Variants in ST18 observed in about 807,000 individuals in gnomAD.
ST18 encodes suppression of tumorigenicity 18 protein.
ST18 carries 50 observed loss-of-function variants against 110.0 expected under a neutral mutation model. The observed-to-expected ratio is 0.45, with a 90% CI of 0.36 to 0.58. ST18 has a LOEUF of 0.58. Ranked by LOEUF, ST18 falls within the 20% of genes least tolerant of loss-of-function variation. The pLI, the probability that ST18 is intolerant of heterozygous loss-of-function variation, is 0.00. For synonymous variants in ST18, 461 were observed against 452.4 expected, an observed-to-expected ratio of 1.02 and a Z score of -0.24; for missense variants, 1,306 against 1,280.1, an observed-to-expected ratio of 1.02 and a Z score of -0.31.
chr8:52,146,178 T>C (rs558382639), intron 16 of ST18, among the ~76,000 whole-genome samples: 13 of 152,048 alleles, frequency 8.5e-5, no homozygotes, highest in Non-Finnish European at 1.9e-4. Flanking sequence ...AACAATAGAT[T>C]GTCTGGAACG....
At chr8:52,243,677 T>C (rs1197985821) in intron 2 of ST18, among the ~76,000 whole-genome samples, 1 of 152,220 alleles carries the variant, frequency 6.6e-6, no homozygotes, top group Non-Finnish European at 1.5e-5. Context: ...CTTGACACCA[T>C]GCCTGGCACA....
At chr8:52,270,005 T>A (rs1265577255) in intron 2 of ST18, among the ~76,000 whole-genome samples, 1 of 150,118 alleles carries the variant, frequency 6.7e-6, no homozygotes, top group Admixed American at 6.6e-5. Flanking sequence ...AACCACATTT[T>A]TTCCCCCGTA....
intron 17 of ST18, among the ~76,000 whole-genome samples, chr8:52,141,935 C>A (rs1338743920): frequency 2.6e-5 from 4 of 152,138 alleles, no homozygotes; most frequent in Admixed American, 2.6e-4. Flanking sequence ...ATCAGAGGCA[C>A]CGCGCTCTTT....
intron 2 of ST18, among the ~76,000 whole-genome samples, chr8:52,315,789 T>G (rs1300507592): frequency 3.3e-5 from 5 of 152,220 alleles, no homozygotes; most frequent in Admixed American, 2.6e-4. Flanking sequence ...GAAACTTCAC[T>G]TAACCATCTT....
intron 2 of ST18, among the ~76,000 whole-genome samples, chr8:52,297,169 G>T (rs1589705235): frequency 6.6e-6 from 1 of 152,210 alleles, no homozygotes; most frequent in Non-Finnish European, 1.5e-5. Flanking sequence ...ACAGTGCAGT[G>T]CAGCGCAGGC....
intron 2 of ST18, among the ~76,000 whole-genome samples, chr8:52,246,081 C>A (rs1354132108): frequency 2.6e-5 from 4 of 152,020 alleles, no homozygotes; most frequent in Non-Finnish European, 5.9e-5. Context: ...CATTTGACAA[C>A]ACTATATTCA....
At chr8:52,281,023 AC>A (rs1006216557) in intron 2 of ST18, among the ~76,000 whole-genome samples, 1 of 152,162 alleles carries the variant, frequency 6.6e-6, no homozygotes, top group Non-Finnish European at 1.5e-5. Context: ...GAAATCAATA[AC>A]AAAGAGTAAG....
chr8:52,295,951 A>C (rs185580145), intron 2 of ST18, among the ~76,000 whole-genome samples: 277 of 152,036 alleles, frequency 1.8e-3, no homozygotes, highest in African/African-American at 6.4e-3. Context: ...GAGCAGCTGC[A>C]TGGGATGAGT....
At chr8:52,272,394 G>A (rs557449926) in intron 2 of ST18, among the ~76,000 whole-genome samples, 122 of 144,004 alleles carry the variant, frequency 8.5e-4, no homozygotes, top group South Asian at 1.5e-3. Context: ...CTAAGAACTT[G>A]AATAGACATT....
intron 22 of ST18, among the ~76,000 whole-genome samples, chr8:52,129,590 C>G (rs2048416296): frequency 6.6e-6 from 1 of 151,704 alleles, no homozygotes. Flanking sequence ...CCATTAAATT[C>G]TACACATAGA....
intron 2 of ST18, among the ~76,000 whole-genome samples, chr8:52,365,498 G>T (rs1049337345): frequency 7.2e-5 from 11 of 151,860 alleles, no homozygotes; most frequent in African/African-American, 2.4e-4. Context: ...CTGAAAAAAA[G>T]ACTTTAAAAA....
chr8:52,136,991 A>G (rs2052683121), intron 18 of ST18, among the ~76,000 whole-genome samples: 1 of 152,228 alleles, frequency 6.6e-6, no homozygotes, highest in African/African-American at 2.4e-5. Context: ...CCAAGAGAAG[A>G]CAAATCCCAT....
intron 15 of ST18, among the ~76,000 whole-genome samples, chr8:52,154,241 C>T (rs990138977): frequency 6.6e-6 from 1 of 152,220 alleles, no homozygotes; most frequent in Non-Finnish European, 1.5e-5. Context: ...GCCCAGAGGG[C>T]CGCCAGACTT....
At chr8:52,379,769 T>C (rs1007948663) in intron 2 of ST18, among the ~76,000 whole-genome samples, 5 of 152,184 alleles carry the variant, frequency 3.3e-5, no homozygotes, top group Admixed American at 1.3e-4. Flanking sequence ...CATGGCATCA[T>C]TCACAGTTGA....
chr8:52,399,519 G>A (rs1842228524), intron 2 of ST18, among the ~76,000 whole-genome samples: 2 of 150,422 alleles, frequency 1.3e-5, no homozygotes, highest in Non-Finnish European at 3.0e-5. Context: ...GAGGCATATT[G>A]TTAGGCTATT....
chr8:52,138,110 A>G (rs2053252621), intron 17 of ST18, among the ~76,000 whole-genome samples: 1 of 151,206 alleles, frequency 6.6e-6, no homozygotes, highest in Non-Finnish European at 1.5e-5. Flanking sequence ...AAAAAAAAAA[A>G]AGAAAAGAAA....
At chr8:52,401,959 G>A (rs536834468) in intron 2 of ST18, among the ~76,000 whole-genome samples, 3 of 152,142 alleles carry the variant, frequency 2.0e-5, no homozygotes, top group Non-Finnish European at 4.4e-5. Context: ...ACTTTCGCCT[G>A]TAGATGAGTC....
intron 2 of ST18, among the ~76,000 whole-genome samples, chr8:52,321,593 A>G (rs1803935135): frequency 6.6e-6 from 1 of 152,176 alleles, no homozygotes; most frequent in Non-Finnish European, 1.5e-5. Context: ...GTGAAAGGAG[A>G]ACAGCCCGTT....
At chr8:52,251,384 T>C (rs1457398541) in intron 2 of ST18, among the ~76,000 whole-genome samples, 1 of 152,106 alleles carries the variant, frequency 6.6e-6, no homozygotes. Flanking sequence ...TATATATGAA[T>C]ATATTATAAG....
Sources: allele counts gnomAD v4.1 joint callset (sites outside exome capture counted in the v4.1 genomes callset), GRCh38; gene constraint gnomAD v4.1.1; transcripts MANE v1.5; gene names NCBI Gene and HGNC (gene_info 2026-07-23, HGNC 2026-07-21).